SV2B: variants seen among roughly 807,000 people sequenced by gnomAD.
SV2B encodes solute carrier family 22 member B2.
In SV2B, 41 loss-of-function variants were observed where a neutral mutation model predicts 73.9. The observed-to-expected ratio is 0.56, with a 90% CI of 0.43 to 0.72. The LOEUF (loss-of-function observed/expected upper bound fraction) is 0.72. Among genes scored for constraint, SV2B ranks in the 30% least tolerant of loss-of-function variants. The probability of loss-of-function intolerance (pLI) is 0.00; values close to 1 mark genes in which losing one functional copy is unlikely to be tolerated. For synonymous variants in SV2B, 314 were observed against 314.2 expected, an observed-to-expected ratio of 1.00 and a Z score of 0.01; for missense variants, 764 against 857.8, an observed-to-expected ratio of 0.89 and a Z score of 1.37.
At chr15:91,144,001 G>A (rs1195303084) in intron 1 of SV2B, among the ~76,000 whole-genome samples, 3 of 152,144 alleles carry the variant, frequency 2.0e-5, no homozygotes, top group Non-Finnish European at 4.4e-5. Context: ...GTGATAACTG[G>A]TCAAACATGA....
At chr15:91,191,197 T>A (rs58276564) in intron 1 of SV2B, among the ~76,000 whole-genome samples, 8 of 150,824 alleles carry the variant, frequency 5.3e-5, no homozygotes, top group Non-Finnish European at 8.9e-5. Flanking sequence ...TCCTGAGTAG[T>A]TGAGATTACA....
chr15:91,218,822 C>G (rs1263426544), intron 1 of SV2B, among the ~76,000 whole-genome samples: 1 of 152,190 alleles, frequency 6.6e-6, no homozygotes, highest in East Asian at 1.9e-4. Context: ...AAGGGACCAC[C>G]AGATGTGCTC....
chr15:91,271,124 A>G (rs927406536), intron 9 of SV2B, among the ~76,000 whole-genome samples: 9 of 151,336 alleles, frequency 5.9e-5, no homozygotes, highest in Non-Finnish European at 1.0e-4. Flanking sequence ...TGGATGGTGA[A>G]TCCTGTGGAT....
chr15:91,201,701 G>T (rs796649836), intron 1 of SV2B, among the ~76,000 whole-genome samples: 24 of 152,292 alleles, frequency 1.6e-4, no homozygotes, highest in African/African-American at 5.8e-4. Context: ...AGTCACCCTT[G>T]ACTTTTCCTT....
At chr15:91,257,878 C>G (rs115581108) in intron 4 of SV2B, among the ~76,000 whole-genome samples, 63 of 152,308 alleles carry the variant, frequency 4.1e-4, no homozygotes, top group African/African-American at 1.5e-3. Flanking sequence ...AGTGCCCATT[C>G]TCATCACAGT....
At chr15:91,152,509 TC>T (rs2043345229) in intron 1 of SV2B, among the ~76,000 whole-genome samples, 1 of 152,226 alleles carries the variant, frequency 6.6e-6, no homozygotes. Context: ...TGAATTTACA[TC>T]TTGTCCTTAA....
intron 1 of SV2B, among the ~76,000 whole-genome samples, chr15:91,217,451 A>T (rs534374574): frequency 6.6e-6 from 1 of 152,210 alleles, no homozygotes; most frequent in South Asian, 2.1e-4. Flanking sequence ...GCATTAGGAG[A>T]TATACCTAAT....
chr15:91,207,552 GT>G (rs1243308946), intron 1 of SV2B, among the ~76,000 whole-genome samples: 2 of 152,144 alleles, frequency 1.3e-5, no homozygotes, highest in Admixed American at 6.6e-5. Context: ...CACCAAGTCT[GT>G]TTGGTCAGCT....
chr15:91,162,162 T>G (rs976151983), intron 1 of SV2B, among the ~76,000 whole-genome samples: 1 of 152,174 alleles, frequency 6.6e-6, no homozygotes, highest in African/African-American at 2.4e-5. Context: ...CAATTCAGTT[T>G]TTTTTGGAGA....
At position 91,300,881 on chromosome 15, in the gene SV2B, C is replaced by T. The variant is rs1410618054; in HGVS notation, c.*8329C>T. Reference sequence around the variant, plus strand: ...TCCAGGTGTGCGGTCCTGTGAAGCACTCTAAGAACTGTAAAAAATATTTCA... The same window carrying T: ...TCCAGGTGTGCGGTCCTGTGAAGCATTCTAAGAACTGTAAAAAATATTTCA... On this transcript the variant is annotated 3_prime_UTR_variant, in exon 13 of 13. Transcript: ENST00000394232. 6.6e-6 allele frequency: 1 copy of T among 152,194 alleles called. No homozygotes were observed. Among genetic ancestry groups the T allele is most frequent in the African/African-American group, 2.4e-5 (1 of 41,448 alleles). The allele number at this position is 152,194 out of a possible 1,614,324, so 9.4% of individuals were successfully genotyped here.
chr15:91,142,880 C>G (rs1447004813), intron 1 of SV2B, among the ~76,000 whole-genome samples: 1 of 152,180 alleles, frequency 6.6e-6, no homozygotes, highest in Non-Finnish European at 1.5e-5. Context: ...ACAAGAAAAT[C>G]ATTTTTTATA....
intron 1 of SV2B, among the ~76,000 whole-genome samples, chr15:91,191,469 T>A (rs1456287541): frequency 6.6e-6 from 1 of 152,170 alleles, no homozygotes; most frequent in Non-Finnish European, 1.5e-5. Flanking sequence ...AGAATCTTGT[T>A]AAGCCAGTTT....
In SV2B at chr15:91,213,908, C is replaced by T. The variant is rs111264896; in HGVS notation, c.-391-11965C>T. On this transcript the variant is annotated intron_variant, in intron 1 of 12. Transcript: ENST00000394232. ...GAAGTGGTAGAGCTGTGCTGGCCCC[C>T]AAAAGGAGGCTTTTTCCTTGACAAT... Among the ~76,000 whole-genome samples, 994 of 152,244 alleles carry T rather than the reference C, an allele frequency of 6.5e-3. 8 individuals carry two copies. Among genetic ancestry groups the T allele is most frequent in the African/African-American group, 0.023 (953 of 41,524 alleles).
In SV2B at chr15:91,241,983, C is replaced by G. The variant is rs2047034777; in HGVS notation, c.452-9836C>G. Among the ~76,000 whole-genome samples, 1 of 150,880 alleles carries G rather than the reference C, an allele frequency of 6.6e-6. No individual in the cohort carries two copies. The highest frequency in any genetic ancestry group is 2.1e-4 in the South Asian group (1 of 4,810). The stretch of plus-strand genomic sequence containing the variant: ...TGAGTGAGGACGTTTCATCTTTAAG[C>G]AGGAGTTAATCCTCGCCTCTTCAGA... On this transcript the variant is annotated intron_variant, in intron 2 of 12. Coordinates refer to ENST00000394232, the MANE Select transcript of SV2B (RefSeq NM_001323032.3). This position sits in a 1 kb window ranked among gnomAD's most constrained non-coding sequence, Gnocchi z 4.8.
rs919672747 is a variant in SV2B at position 91,224,649 on chromosome 15, G to T, written c.-391-1224G>T. On this transcript the variant is annotated intron_variant, in intron 1 of 12. Coordinates refer to ENST00000394232, the MANE Select transcript of SV2B (RefSeq NM_001323032.3). The surrounding 1 kb of genome is among the most constrained non-coding windows in gnomAD (Gnocchi z 4.9). ...GAGCTGGCTTTGGGACCAGTGACCT[G>T]GTCCTAATGCTGTGACCTTGATCGC... 1.3e-5 allele frequency among the ~76,000 whole-genome samples: 2 copies of T among 152,336 alleles called. No individual in the cohort carries two copies. The highest frequency in any genetic ancestry group is 4.1e-4 in the South Asian group (2 of 4,832).
chr15:91,108,325 C>T (rs2041946153), intron 1 of SV2B, among the ~76,000 whole-genome samples: 1 of 152,182 alleles, frequency 6.6e-6, no homozygotes, highest in Non-Finnish European at 1.5e-5. Flanking sequence ...ATAAGCCAAT[C>T]TCCTTAGTTC....
In SV2B at chr15:91,278,652, C is replaced by T. The variant is rs565554287; in HGVS notation, c.1374-3076C>T. Reference sequence around the variant, plus strand: ...CGAGATTGCGCCACTGCAGTCCGGCCTGGGCGACAGAGCGAGACTCCGTCT... The same window carrying T: ...CGAGATTGCGCCACTGCAGTCCGGCTTGGGCGACAGAGCGAGACTCCGTCT... On this transcript the variant is annotated intron_variant, in intron 9 of 12. Coordinates refer to ENST00000394232, the MANE Select transcript of SV2B (RefSeq NM_001323032.3). 8.8e-5 allele frequency among the ~76,000 whole-genome samples: 7 copies of T among 79,136 alleles called. 1 individual carries two copies. Among genetic ancestry groups the T allele is most frequent in the Non-Finnish European group, 1.7e-4 (7 of 40,996 alleles). 51.9% of individuals were successfully genotyped at this position (79,136 alleles called of 152,430 possible). A position where few individuals can be genotyped will look rare whatever the true frequency, so the allele number is the denominator to read the frequency against.
In SV2B at chr15:91,284,862, A is replaced by G. The variant is rs1213806993; in HGVS notation, c.1708+641A>G. ...GCTATATTCATGTATGCCTTGCCTC[A>G]TTCCATCGGGACTTGCAGCAATTTA... On this transcript the variant is annotated intron_variant, in intron 11 of 12. Transcript: ENST00000394232. The surrounding 1 kb of genome is among the most constrained non-coding windows in gnomAD (Gnocchi z 4.5). Among the ~76,000 whole-genome samples the G allele has an allele frequency of 6.6e-6, 1 of 152,186 alleles. No individual in the cohort carries two copies. Among genetic ancestry groups the G allele is most frequent in the Non-Finnish European group, 1.5e-5 (1 of 68,042 alleles).
At chr15:91,199,923 C>T (rs1479572706) in intron 1 of SV2B, among the ~76,000 whole-genome samples, 1 of 152,270 alleles carries the variant, frequency 6.6e-6, no homozygotes, top group Admixed American at 6.5e-5. Flanking sequence ...TGAGGCTGGG[C>T]CTGCAGGCTG....
Sources: allele counts gnomAD v4.1 joint callset (sites outside exome capture counted in the v4.1 genomes callset), GRCh38; gene constraint gnomAD v4.1.1; non-coding constraint Gnocchi (gnomAD v3.1); transcripts MANE v1.5; gene names NCBI Gene and HGNC (gene_info 2026-07-23, HGNC 2026-07-21).